The following SLC16A6 variants were observed in gnomAD, a reference collection of about 807,000 sequenced individuals.
SLC16A6 encodes the protein monocarboxylate transporter 7.
A neutral mutation model predicts 33.8 loss-of-function variants in SLC16A6; 15 were observed. The observed-to-expected ratio is 0.44, with a 90% confidence interval of 0.30 to 0.68. SLC16A6 has a LOEUF of 0.68. Among genes scored for constraint, SLC16A6 ranks in the 30% least tolerant of loss-of-function variants. The probability of loss-of-function intolerance (pLI) is 0.10; values close to 1 mark genes in which losing one functional copy is unlikely to be tolerated. For synonymous variants in SLC16A6, 219 were observed against 248.4 expected, an observed-to-expected ratio of 0.88 and a Z score of 1.11; for missense variants, 451 against 661.5, an observed-to-expected ratio of 0.68 and a Z score of 3.49.
intron 1 of SLC16A6, 51 bp from the exon 2 acceptor site, chr17:68,278,378 A>G: frequency 8.6e-7 from 1 of 1,159,424 alleles, no homozygotes; most frequent in Non-Finnish European, 1.3e-6. Flanking sequence ...ATGAGGATCG[A>G]TGATTCTCAT....
At chr17:68,288,975 T>C (rs2075904426) in intron 1 of SLC16A6, among the ~76,000 whole-genome samples, 1 of 152,214 alleles carries the variant, frequency 6.6e-6, no homozygotes. Flanking sequence ...AGTGTTCTTC[T>C]GGAGGAAGTA....
At chr17:68,277,442 T>C (rs868917802) in intron 2 of SLC16A6, among the ~76,000 whole-genome samples, 21 of 151,956 alleles carry the variant, frequency 1.4e-4, no homozygotes, top group African/African-American at 5.1e-4. Flanking sequence ...AACTTTTTTC[T>C]TTTTTGAGAT....
intron 3 of SLC16A6, among the ~76,000 whole-genome samples, 182 bp from the exon 4 acceptor site, chr17:68,272,949 A>G (rs2075388479): frequency 6.6e-6 from 1 of 152,162 alleles, no homozygotes; most frequent in South Asian, 2.1e-4. Context: ...CGGTCTGGAT[A>G]AACTTCAGTG....
intron 1 of SLC16A6, among the ~76,000 whole-genome samples, chr17:68,280,616 C>T (rs150286154): frequency 7.2e-4 from 110 of 152,328 alleles, no homozygotes; most frequent in African/African-American, 2.5e-3. Context: ...CCCCACCTTT[C>T]ACCCTATACA....
chr17:68,287,981 CCCT>C (rs1163416940), intron 1 of SLC16A6, among the ~76,000 whole-genome samples: 1 of 150,884 alleles, frequency 6.6e-6, no homozygotes, highest in Non-Finnish European at 1.5e-5. Context: ...CCCCCTCCCT[CCCT>C]CCTTTCTTTT....
rs143508642 is a variant in SLC16A6, at chr17:68,282,301, A to G, written c.-7-3974T>C. ...CTCACTCATAGGTGGGAATTGAACA[A>G]TGAGAACACTTGGACACAGGAAGGG... On this transcript the variant is annotated intron_variant, in intron 1 of 5. Coordinates refer to ENST00000580666, the MANE Select transcript of SLC16A6 (RefSeq NM_004694.5). Among the ~76,000 whole-genome samples, 788 of 151,952 alleles carry G rather than the reference A, an allele frequency of 5.2e-3. 4 individuals are homozygous for G. Among genetic ancestry groups the G allele is most frequent in the Non-Finnish European group, 8.2e-3 (554 of 67,950 alleles).
chr17:68,275,077 G>A (rs1338977664), intron 2 of SLC16A6, among the ~76,000 whole-genome samples: 1 of 152,196 alleles, frequency 6.6e-6, no homozygotes, highest in Non-Finnish European at 1.5e-5. Flanking sequence ...ACCGCGCCCA[G>A]CCTAGTTAGT....
At chr17:68,288,193 G>C (rs2075887892) in intron 1 of SLC16A6, among the ~76,000 whole-genome samples, 1 of 151,868 alleles carries the variant, frequency 6.6e-6, no homozygotes, top group South Asian at 2.1e-4. Flanking sequence ...GTAGAGACAG[G>C]GTTTCACCAT....
chr17:68,270,292 A>C (rs2075293150), intron 5 of SLC16A6, among the ~76,000 whole-genome samples: 1 of 152,164 alleles, frequency 6.6e-6, no homozygotes, highest in Non-Finnish European at 1.5e-5. Flanking sequence ...GCGGTGGCTC[A>C]CACCTGTAAT....
At chr17:68,278,422 C>A (rs79802336) in intron 1 of SLC16A6, 95 bp from the exon 2 acceptor site, 16,022 of 706,472 alleles carry the variant, frequency 0.023, 308 homozygotes, top group Non-Finnish European at 0.025. Context: ...GAACTACTTA[C>A]CCCATTTCTT....
intron 1 of SLC16A6, among the ~76,000 whole-genome samples, chr17:68,279,380 A>G (rs2075623597): frequency 6.6e-6 from 1 of 152,058 alleles, no homozygotes; most frequent in Non-Finnish European, 1.5e-5. Flanking sequence ...TTGGTGTTCC[A>G]TGTGGATGTA....
At chr17:68,269,790 C>T (rs1555747854) in intron 5 of SLC16A6, among the ~76,000 whole-genome samples, 1 of 148,478 alleles carries the variant, frequency 6.7e-6, no homozygotes, top group African/African-American at 2.5e-5. Flanking sequence ...TCTCCTGCCT[C>T]AGCCTCCCGA....
At chr17:68,280,179 CAA>C (rs58937538) in intron 1 of SLC16A6, among the ~76,000 whole-genome samples, 7,282 of 87,218 alleles carry the variant, frequency 0.083, 143 homozygotes, top group African/African-American at 0.14. Context: ...AACTCTGTCT[CAA>C]AAAAAAAAAA....
intron 1 of SLC16A6, among the ~76,000 whole-genome samples, chr17:68,290,737 G>A (rs2075957905): frequency 6.6e-6 from 1 of 152,226 alleles, no homozygotes; most frequent in Non-Finnish European, 1.5e-5. Flanking sequence ...CGGAGGGGCT[G>A]AGCCTGGAGC....
chr17:68,268,597 A>G lies in SLC16A6; in HGVS notation c.*499T>C, dbSNP rs2075225129. 6.5e-6 allele frequency: 1 copy of G among 152,692 alleles called. No homozygotes were observed. Among genetic ancestry groups the G allele is most frequent in the African/African-American group, 2.4e-5 (1 of 41,468 alleles). The allele number at this position is 152,692 out of a possible 1,614,324, so 9.5% of individuals were successfully genotyped here. On this transcript the variant is annotated 3_prime_UTR_variant, in exon 6 of 6. Transcript: ENST00000580666. ...TATTTCTGAAAATTAGGAATTTTAAAAATGATTGAAGTCTTTTTTTTTTTG... is the reference window on the plus strand; with the variant it reads ...TATTTCTGAAAATTAGGAATTTTAAGAATGATTGAAGTCTTTTTTTTTTTG...
intron 1 of SLC16A6, among the ~76,000 whole-genome samples, chr17:68,279,732 C>A (rs546892699): frequency 6.6e-6 from 1 of 152,304 alleles, no homozygotes; most frequent in East Asian, 1.9e-4. Flanking sequence ...GGATTGGGCT[C>A]TAGCACATGA....
rs1555748777 is a variant in SLC16A6, at chr17:68,271,551, G to A, written c.609C>T (p.Ile203=). ...IVIFGALLRP[I]FIRGPASPKI... ...TCGGTGACGCTGGTCCTCTGATAAA[G>A]ATGGGTCTGAGCAGTGCTCCGAAGA... The change falls in exon 5 of 6, where the codon ATC becomes ATT. Residue 203 remains isoleucine (I), a synonymous_variant. Coordinates refer to ENST00000580666, the MANE Select transcript of SLC16A6 (RefSeq NM_004694.5). The surrounding 1 kb of genome is among the most constrained non-coding windows in gnomAD (Gnocchi z 5.3). The A allele has an allele frequency of 1.9e-6, 3 of 1,614,226 alleles. No homozygotes were observed. Among genetic ancestry groups the A allele is most frequent in the South Asian group, 2.2e-5 (2 of 91,084 alleles).
At chr17:68,273,328 C>G (rs1041545173) in intron 3 of SLC16A6, among the ~76,000 whole-genome samples, 1 of 151,956 alleles carries the variant, frequency 6.6e-6, no homozygotes, top group Admixed American at 6.6e-5. Flanking sequence ...CCCACCTCAG[C>G]CTCCAAAGTG....
At chr17:68,280,054 C>T (rs2075642449) in intron 1 of SLC16A6, among the ~76,000 whole-genome samples, 1 of 151,786 alleles carries the variant, frequency 6.6e-6, no homozygotes, top group African/African-American at 2.4e-5. Context: ...TGGTGGCAGG[C>T]ACCTGTAATC....
Sources: allele counts gnomAD v4.1 joint callset (sites outside exome capture counted in the v4.1 genomes callset), GRCh38; gene constraint gnomAD v4.1.1; non-coding constraint Gnocchi (gnomAD v3.1); transcripts MANE v1.5; gene names NCBI Gene and HGNC (gene_info 2026-07-23, HGNC 2026-07-21).